Variants in RGS7BP observed in about 807,000 individuals in gnomAD.
RGS7BP encodes regulator of G protein signaling 7 binding protein.
Under a neutral mutation model 31.3 loss-of-function variants are expected in RGS7BP, and 9 were observed. The ratio of observed to expected loss-of-function variants is 0.29; its 90% CI spans 0.17 to 0.50. The LOEUF (loss-of-function observed/expected upper bound fraction) is 0.50, where lower values mean the gene tolerates loss of function less well. Ranked by LOEUF, RGS7BP falls within the 20% of genes least tolerant of loss-of-function variation. The pLI is 0.98. For missense variants in RGS7BP, 274 were observed against 322.0 expected, an observed-to-expected ratio of 0.85 and a Z score of 1.14; for synonymous variants, 115 against 120.1, an observed-to-expected ratio of 0.96 and a Z score of 0.28.
chr5:64,597,696 G>T (rs1321388787), intron 4 of RGS7BP, among the ~76,000 whole-genome samples: 4 of 151,674 alleles, frequency 2.6e-5, no homozygotes, highest in Admixed American at 6.6e-5. Context: ...GGAGCTAAAT[G>T]GTGGGTACAC....
intron 2 of RGS7BP, among the ~76,000 whole-genome samples, chr5:64,530,559 T>C (rs1401146699): frequency 6.6e-6 from 1 of 152,196 alleles, no homozygotes; most frequent in Non-Finnish European, 1.5e-5. Context: ...TGTCAGTGCT[T>C]GAACTTATAT....
rs750668521 is a variant in RGS7BP, at chr5:64,575,809, G to A, written c.368G>A (p.Arg123Gln). 11 of 1,611,718 alleles carry A rather than the reference G, an allele frequency of 6.8e-6. No individual in the cohort carries two copies. The highest frequency in any genetic ancestry group is 6.6e-5 in the South Asian group (6 of 90,780). Residue 123 changes from arginine (R) to glutamine (Q), a missense_variant, in exon 3 of 6, where the codon CGG becomes CAG. By Grantham distance (43) the Arg-to-Gln change is conservative (BLOSUM62 1). This residue lies in a region of RGS7BP where 13 missense variants were observed against 38.5 expected (regional missense o/e 0.34). Transcript: ENST00000334025. ...GGTGAGATCCATCCAGAAATCTGTC[G>A]GCTTTACATCCAGCTGCAGTGCTGC... ...EDGEIHPEIC[R>Q]LYIQLQCCLE...
At chr5:64,556,638 C>CA (rs1397157381) in intron 2 of RGS7BP, among the ~76,000 whole-genome samples, 6 of 151,938 alleles carry the variant, frequency 3.9e-5, no homozygotes, top group Non-Finnish European at 7.4e-5. Flanking sequence ...CTTCAAAGAG[C>CA]AAAAAATATA....
In RGS7BP at chr5:64,586,356, T is replaced by G. The variant is rs1020680901; in HGVS notation, c.464-8354T>G. Among the ~76,000 whole-genome samples the G allele has an allele frequency of 3.3e-5, 5 of 152,202 alleles. 1 individual carries two copies. The highest frequency in any genetic ancestry group is 2.6e-4 in the Admixed American group (4 of 15,274). On this transcript the variant is annotated intron_variant, in intron 3 of 5. Transcript: ENST00000334025. ...CTGCCCTACCCCACTTGAATCATCT[T>G]GAACTACTTTGAGGAACATCAACTT...
chr5:64,580,571 T>C (rs2111914469), intron 3 of RGS7BP, among the ~76,000 whole-genome samples: 1 of 151,678 alleles, frequency 6.6e-6, no homozygotes, highest in East Asian at 1.9e-4. Context: ...TATAAATCCA[T>C]ATAAATATAT....
chr5:64,607,541 A>G (rs1430916103), intron 5 of RGS7BP, among the ~76,000 whole-genome samples: 1 of 152,064 alleles, frequency 6.6e-6, no homozygotes, highest in Non-Finnish European at 1.5e-5. Flanking sequence ...GTTATTATCT[A>G]AAGACCGGGA....
intron 3 of RGS7BP, among the ~76,000 whole-genome samples, chr5:64,585,408 C>A (rs1459535392): frequency 6.6e-6 from 1 of 151,740 alleles, no homozygotes; most frequent in Non-Finnish European, 1.5e-5. Flanking sequence ...CACTGGCAAG[C>A]TGAAGACAGG....
chr5:64,555,939 G>C (rs989930036), intron 2 of RGS7BP, among the ~76,000 whole-genome samples: 19 of 152,100 alleles, frequency 1.2e-4, no homozygotes, highest in African/African-American at 4.6e-4. Context: ...CATGAAGCTA[G>C]TGGCTACCAT....
chr5:64,600,846 T>A (rs912329296), intron 5 of RGS7BP, among the ~76,000 whole-genome samples: 2 of 152,316 alleles, frequency 1.3e-5, no homozygotes, highest in East Asian at 3.9e-4. Context: ...GGAAGGGGAC[T>A]GTGTCTGAAC....
intron 5 of RGS7BP, among the ~76,000 whole-genome samples, chr5:64,599,401 G>A (rs1471166752): frequency 1.3e-5 from 2 of 152,192 alleles, no homozygotes; most frequent in African/African-American, 4.8e-5. Flanking sequence ...GAAGTGAGGA[G>A]GAGGAGGAGG....
rs1453544843 is a variant in RGS7BP at position 64,610,118 on chromosome 5, T to C, written c.*866T>C. On this transcript the variant is annotated 3_prime_UTR_variant, in exon 6 of 6. Coordinates refer to ENST00000334025, the MANE Select transcript of RGS7BP (RefSeq NM_001029875.3). ...TGCACATCAGCATAGTGTTAAATCT[T>C]ATAGGGCATGCTGGAATTAGCTCAG... The C allele has an allele frequency of 6.6e-6, 1 of 152,440 alleles. No homozygotes were observed. The highest frequency in any genetic ancestry group is 1.5e-5 in the Non-Finnish European group (1 of 67,940). The allele number at this position is 152,440 out of a possible 1,614,324, so 9.4% of individuals were successfully genotyped here.
chr5:64,588,892 T>C (rs7712786), intron 3 of RGS7BP, among the ~76,000 whole-genome samples: 128,736 of 152,080 alleles, frequency 0.85, 54,826 homozygotes, highest in African/African-American at 0.91. Context: ...TGAGAGAAAT[T>C]GATAATCAAG....
intron 3 of RGS7BP, among the ~76,000 whole-genome samples, chr5:64,578,772 G>T (rs551989442): frequency 1.0e-3 from 159 of 152,174 alleles, no homozygotes; most frequent in Non-Finnish European, 1.9e-3. Flanking sequence ...CTCATACAGT[G>T]CATTGTCTCC....
chr5:64,548,949 G>A (rs951363349), intron 2 of RGS7BP, among the ~76,000 whole-genome samples: 1 of 147,514 alleles, frequency 6.8e-6, no homozygotes, highest in African/African-American at 2.5e-5. Flanking sequence ...ATATAAATTT[G>A]TCGGGGGACA....
intron 3 of RGS7BP, among the ~76,000 whole-genome samples, chr5:64,591,832 GCTGTATATCTATTGAGATACTA>G (rs758091199): frequency 1.2e-4 from 18 of 152,150 alleles, no homozygotes; most frequent in Non-Finnish European, 2.4e-4. Context: ...ATTTTTTAAT[GCTGTATATCTATTGAGATACTA>G]CTGTGTGTAA....
chr5:64,599,293 T>C (rs1317000169), intron 5 of RGS7BP, among the ~76,000 whole-genome samples: 1 of 152,144 alleles, frequency 6.6e-6, no homozygotes, highest in Non-Finnish European at 1.5e-5. Flanking sequence ...GGATGGTACA[T>C]AGAGGTGGAG....
chr5:64,525,819 C>CT (rs1261585236), intron 2 of RGS7BP, among the ~76,000 whole-genome samples: 4 of 152,198 alleles, frequency 2.6e-5, no homozygotes, highest in Non-Finnish European at 4.4e-5. Flanking sequence ...GCAGATTCTT[C>CT]TATCACTTGT....
intron 2 of RGS7BP, among the ~76,000 whole-genome samples, chr5:64,573,397 G>A (rs544517891): frequency 1.8e-4 from 27 of 152,114 alleles, no homozygotes; most frequent in Middle Eastern, 3.4e-3. Flanking sequence ...TGAAGTTTGC[G>A]TATTTTTGGA....
intron 2 of RGS7BP, among the ~76,000 whole-genome samples, chr5:64,526,760 T>A (rs752309285): frequency 1.9e-4 from 29 of 151,884 alleles, no homozygotes; most frequent in Admixed American, 6.6e-5. Context: ...AACCCTGGGG[T>A]TCCTGGAGAT....
Sources: gnomAD v4.1 joint callset for allele counts (sites outside exome capture counted in the v4.1 genomes callset) on GRCh38, gnomAD v4.1.1 for gene constraint, gnomAD v4.1.1 regional missense constraint, MANE v1.5 for transcripts, NCBI Gene and HGNC (gene_info 2026-07-23, HGNC 2026-07-21) for gene names.